The following CCR7 variants were observed in gnomAD, a reference collection of about 807,000 sequenced individuals.
The protein encoded by CCR7 is C-C chemokine receptor type 7.
CCR7 carries 11 observed loss-of-function variants against 26.0 expected under a neutral mutation model. The ratio of observed to expected loss-of-function variants is 0.42; its 90% CI spans 0.27 to 0.70. The LOEUF (loss-of-function observed/expected upper bound fraction) is 0.70, where lower values mean the gene tolerates loss of function less well. Among genes scored for constraint, CCR7 ranks in the 30% least tolerant of loss-of-function variants. The pLI, the probability that CCR7 is intolerant of heterozygous loss-of-function variation, is 0.23. For missense variants in CCR7, 360 were observed against 504.0 expected, an observed-to-expected ratio of 0.71 and a Z score of 2.74; for synonymous variants, 189 against 202.1, an observed-to-expected ratio of 0.94 and a Z score of 0.55.
chr17:40,555,649 C>G lies in CCR7; in HGVS notation c.230G>C (p.Gly77Ala), dbSNP rs1234934733. Residue 77 changes from glycine (G) to alanine (A), a missense_variant, in exon 3 of 3, where the codon GGG becomes GCG. Coordinates refer to ENST00000246657, the MANE Select transcript of CCR7 (RefSeq NM_001838.4). This position sits in a 1 kb window ranked among gnomAD's most constrained non-coding sequence, Gnocchi z 5.6. ...IICFVGLLGNGLVVLTYIYFK... is the reference protein window; with the variant it reads ...IICFVGLLGNALVVLTYIYFK... The stretch of plus-strand genomic sequence containing the variant: ...ATAGATATAGGTCAACACGACCAGC[C>G]CATTGCCCAGTAGGCCCACGAAACA... The G allele has an allele frequency of 6.2e-7, 1 of 1,614,134 alleles. No individual in the cohort carries two copies. The highest frequency in any genetic ancestry group is 1.3e-5 in the African/African-American group (1 of 75,018).
intron 1 of CCR7, among the ~76,000 whole-genome samples, chr17:40,564,986 AG>A (rs2036693744): frequency 6.6e-6 from 1 of 152,150 alleles, no homozygotes; most frequent in African/African-American, 2.4e-5. Flanking sequence ...AGTGGGTAAA[AG>A]GTCCTAAGCT....
intron 1 of CCR7, 71 bp from the exon 2 acceptor site, chr17:40,559,013 G>T (rs908516002): frequency 1.5e-6 from 2 of 1,293,380 alleles, no homozygotes; most frequent in African/African-American, 1.5e-5. Context: ...AAGCAGTGGA[G>T]GGGGAGACGC....
In CCR7 at chr17:40,554,462, A is replaced by G; in HGVS notation, c.*280T>C. On this transcript the variant is annotated 3_prime_UTR_variant, in exon 3 of 3. Transcript: ENST00000246657. ...TCCAGCAGGTGGGAACAGTTTCTGGACTTTCACTTTCAGTTTTTGGTTTAG... is the reference window on the plus strand; with the variant it reads ...TCCAGCAGGTGGGAACAGTTTCTGGGCTTTCACTTTCAGTTTTTGGTTTAG... 4.7e-6 allele frequency: 2 copies of G among 426,120 alleles called. No homozygotes were observed. Among genetic ancestry groups the G allele is most frequent in the Non-Finnish European group, 8.4e-6 (2 of 237,458 alleles). The allele number at this position is 426,120 out of a possible 1,614,324, so 26.4% of individuals were successfully genotyped here.
rs1016439158 is a variant in CCR7, at chr17:40,554,690, C to T, written c.*52G>A. ...TGAGTCATTGCATCTGCTCCCTATC[C>T]CCACCCCAGGGACCCTGGGAGAGGT... On this transcript the variant is annotated 3_prime_UTR_variant, in exon 3 of 3. Transcript: ENST00000246657. 4.9e-6 allele frequency: 7 copies of T among 1,431,174 alleles called. No homozygotes were observed. The African/African-American group carries it at 1.0e-4, about 20-fold the overall frequency. The allele number at this position is 1,431,174 out of a possible 1,614,324, so 88.7% of individuals were successfully genotyped here.
intron 2 of CCR7, among the ~76,000 whole-genome samples, chr17:40,556,525 GTC>G (rs376263247): frequency 3.2e-4 from 48 of 149,896 alleles, no homozygotes; most frequent in Admixed American, 8.6e-4. Context: ...AACTCTTTCT[GTC>G]TCTCTCTCTC....
chr17:40,554,868 G>A lies in CCR7; in HGVS notation c.1011C>T (p.Leu337=), dbSNP rs142089801. The part of the protein sequence containing the change: ...AFIGVKFRND[L]FKLFKDLGCL... The stretch of plus-strand genomic sequence containing the variant: ...AGCCCAGGTCCTTGAAGAGCTTGAA[G>A]AGATCGTTGCGGAACTTGACGCCGA... Residue 337 remains leucine (L), a synonymous_variant, in exon 3 of 3, where the codon CTC becomes CTT. Coordinates refer to ENST00000246657, the MANE Select transcript of CCR7 (RefSeq NM_001838.4). The A allele has an allele frequency of 2.8e-5, 46 of 1,614,130 alleles. No homozygotes were observed. In the African/African-American group the frequency reaches 5.6e-4, roughly 20 times the overall value.
chr17:40,558,855 G>C (rs588019), intron 2 of CCR7, 38 bp downstream of exon 2: 2 of 1,594,540 alleles, frequency 1.3e-6, no homozygotes, highest in Non-Finnish European at 1.7e-6. Context: ...AGGCCGTGTG[G>C]AGAAGGGAAC....
intron 1 of CCR7, among the ~76,000 whole-genome samples, chr17:40,565,105 C>T (rs999322442): frequency 2.0e-5 from 3 of 152,104 alleles, no homozygotes; most frequent in African/African-American, 4.8e-5. Context: ...AGCCCAGCCC[C>T]GCCACTCTCT....
At chr17:40,562,764 G>T (rs2036668244) in intron 1 of CCR7, among the ~76,000 whole-genome samples, 1 of 151,874 alleles carries the variant, frequency 6.6e-6, no homozygotes, top group Admixed American at 6.6e-5. Context: ...CTTCTTTCTT[G>T]TCTCTGTTAC....
In CCR7 at chr17:40,559,876, G is replaced by C. The variant is rs573303085; in HGVS notation, c.11-934C>G. 2.0e-5 allele frequency among the ~76,000 whole-genome samples: 3 copies of C among 152,272 alleles called. No individual in the cohort carries two copies. In the East Asian group the frequency reaches 5.8e-4, roughly 29 times the overall value. ...AAGGGATGCTGTCCTGTTGCAGTGT[G>C]GGGGAAGGACGCTCTTTCCTGATGT... is the stretch of plus-strand genomic sequence containing the variant. On this transcript the variant is annotated intron_variant, in intron 1 of 2. Transcript: ENST00000246657.
At position 40,555,146 on chromosome 17, in the gene CCR7, C is replaced by G. The variant is rs1364316953; in HGVS notation, c.733G>C (p.Val245Leu). The G allele has an allele frequency of 1.2e-6, 2 of 1,614,028 alleles. No individual in the cohort carries two copies. The highest frequency in any genetic ancestry group is 1.7e-6 in the Non-Finnish European group (2 of 1,180,032). Residue 245 changes from valine to leucine, a missense_variant, in exon 3 of 3, where the codon GTC becomes CTC. By Grantham distance (32) the Val-to-Leu change is conservative (BLOSUM62 1). Coordinates refer to ENST00000246657, the MANE Select transcript of CCR7 (RefSeq NM_001838.4). The surrounding 1 kb of genome is among the most constrained non-coding windows in gnomAD (Gnocchi z 5.6). ...PLLAMSFCYL[V>L]IIRTLLQARN... ...GCCTGGAGCAGGGTGCGGATGATGACAAGGTAACAGAAGCTCATGGCCAGC... is the reference window on the plus strand; with the variant it reads ...GCCTGGAGCAGGGTGCGGATGATGAGAAGGTAACAGAAGCTCATGGCCAGC...
intron 1 of CCR7, among the ~76,000 whole-genome samples, chr17:40,561,225 AG>A: frequency 6.6e-6 from 1 of 152,154 alleles, no homozygotes; most frequent in South Asian, 2.1e-4. Context: ...CCGTCAGGGG[AG>A]GGGAGTTGGG....
At chr17:40,564,675 G>A (rs11574662) in intron 1 of CCR7, among the ~76,000 whole-genome samples, 62 of 152,224 alleles carry the variant, frequency 4.1e-4, no homozygotes, top group African/African-American at 1.5e-3. Flanking sequence ...TGCCGGGGCA[G>A]AGTGCGTGAG....
At chr17:40,561,933 T>G (rs2036659910) in intron 1 of CCR7, among the ~76,000 whole-genome samples, 1 of 152,218 alleles carries the variant, frequency 6.6e-6, no homozygotes, top group Non-Finnish European at 1.5e-5. Context: ...TGTTATCAAC[T>G]GCTGTATCCA....
chr17:40,559,820 G>A (rs2036634742), intron 1 of CCR7, among the ~76,000 whole-genome samples: 1 of 152,206 alleles, frequency 6.6e-6, no homozygotes, highest in Non-Finnish European at 1.5e-5. Context: ...TTCCAAGGGA[G>A]AGGGCATCAA....
intron 1 of CCR7, among the ~76,000 whole-genome samples, chr17:40,562,781 C>G (rs896155494): frequency 3.3e-5 from 5 of 152,070 alleles, no homozygotes; most frequent in African/African-American, 1.2e-4. Context: ...TTACTGTTGT[C>G]TCAGCTGACC....
At chr17:40,562,348 TCTGGCTA>T in intron 1 of CCR7, among the ~76,000 whole-genome samples, 1 of 152,290 alleles carries the variant, frequency 6.6e-6, no homozygotes, top group South Asian at 2.1e-4. Context: ...AGGTTTGGGC[TCTGGCTA>T]CTGCATCAGG....
In CCR7 at chr17:40,555,775, T is replaced by C. The variant is rs1398049455; in HGVS notation, c.104A>G (p.Asp35Gly). 9 of 1,614,026 alleles carry C rather than the reference T, an allele frequency of 5.6e-6. No individual in the cohort carries two copies. The highest frequency in any genetic ancestry group is 1.1e-5 in the South Asian group (1 of 91,084). The stretch of plus-strand genomic sequence containing the variant: ...CAAAGTGTAGTCCACTGTGGTGTTG[T>C]CTCCGATGTAATCGTCCGTGACCTC... ...QDEVTDDYIGDNTTVDYTLFE... is the reference protein window; with the variant it reads ...QDEVTDDYIGGNTTVDYTLFE... The change falls in exon 3 of 3, where the codon GAC becomes GGC. Residue 35 changes from aspartate (D) to glycine (G), a missense_variant. Coordinates refer to ENST00000246657, the MANE Select transcript of CCR7 (RefSeq NM_001838.4). This position sits in a 1 kb window ranked among gnomAD's most constrained non-coding sequence, Gnocchi z 5.6.
intron 1 of CCR7, among the ~76,000 whole-genome samples, chr17:40,559,890 C>G (rs1243142013): frequency 1.3e-5 from 2 of 152,196 alleles, no homozygotes; most frequent in African/African-American, 4.8e-5. Context: ...GAAGGACGCT[C>G]TTTCCTGATG....
Sources: gnomAD v4.1 joint callset for allele counts (sites outside exome capture counted in the v4.1 genomes callset) on GRCh38, gnomAD v4.1.1 for gene constraint, Gnocchi (gnomAD v3.1) non-coding constraint, MANE v1.5 for transcripts, NCBI Gene and HGNC (gene_info 2026-07-23, HGNC 2026-07-21) for gene names.